Variants in TMEM131 observed in about 807,000 individuals in gnomAD.
TMEM131 encodes the protein transmembrane protein 131, also known as 2610524E03Rik.
Under a neutral mutation model 211.6 loss-of-function variants are expected in TMEM131, and 66 were observed. The ratio of observed to expected loss-of-function variants is 0.31; its 90% CI spans 0.26 to 0.38. The LOEUF (loss-of-function observed/expected upper bound fraction) is 0.38. TMEM131 is among the 10% of genes least tolerant of loss of function. TMEM131 has a pLI of 1.00. For synonymous variants in TMEM131, 844 were observed against 841.3 expected, an observed-to-expected ratio of 1.00 and a Z score of -0.06; for missense variants, 2,036 against 2,299.3, an observed-to-expected ratio of 0.89 and a Z score of 2.34.
At chr2:97,831,066 G>T (rs1386375425) in intron 11 of TMEM131, among the ~76,000 whole-genome samples, 1 of 152,136 alleles carries the variant, frequency 6.6e-6, no homozygotes, top group Non-Finnish European at 1.5e-5. Context: ...ACGGTAGGTG[G>T]GCTTGCCCCA....
intron 1 of TMEM131, among the ~76,000 whole-genome samples, chr2:97,945,332 G>C (rs1043488355): frequency 1.3e-5 from 2 of 152,138 alleles, no homozygotes; most frequent in African/African-American, 2.4e-5. Flanking sequence ...TTGTATAAAG[G>C]ATTTCTTTTG....
At chr2:97,890,676 G>A (rs1675341225) in intron 3 of TMEM131, among the ~76,000 whole-genome samples, 1 of 152,186 alleles carries the variant, frequency 6.6e-6, no homozygotes, top group African/African-American at 2.4e-5. Context: ...CCAACAGTCT[G>A]TCTAGATTCT....
intron 40 of TMEM131, 73 bp from the exon 41 acceptor site, chr2:97,757,456 A>G: frequency 6.7e-7 from 1 of 1,487,468 alleles, no homozygotes; most frequent in Non-Finnish European, 9.0e-7. Context: ...GGGTAAGGCT[A>G]CAGAAAAGAT....
At chr2:97,777,049 A>G (rs910800664) in intron 31 of TMEM131, among the ~76,000 whole-genome samples, 3 of 152,202 alleles carry the variant, frequency 2.0e-5, no homozygotes, top group Admixed American at 6.5e-5. Context: ...AGCCCCGAAC[A>G]TATTTCCCAG....
intron 1 of TMEM131, among the ~76,000 whole-genome samples, chr2:97,968,280 G>A (rs1028386378): frequency 6.6e-6 from 1 of 152,076 alleles, no homozygotes; most frequent in Non-Finnish European, 1.5e-5. Context: ...AGATAAGGGC[G>A]CAGAGGGTCT....
At chr2:97,851,839 T>C (rs968220224) in intron 5 of TMEM131, among the ~76,000 whole-genome samples, 2 of 152,202 alleles carry the variant, frequency 1.3e-5, no homozygotes, top group Non-Finnish European at 2.9e-5. Flanking sequence ...TAAGATACAA[T>C]AATATTACAA....
intron 5 of TMEM131, among the ~76,000 whole-genome samples, chr2:97,857,136 A>AT (rs1573467584): frequency 2.0e-5 from 3 of 152,168 alleles, no homozygotes; most frequent in East Asian, 3.9e-4. Context: ...TGTTTGGCCC[A>AT]TACTGTCTTT....
intron 1 of TMEM131, among the ~76,000 whole-genome samples, chr2:97,948,441 G>A (rs1678145835): frequency 6.6e-6 from 1 of 151,824 alleles, no homozygotes. Flanking sequence ...GAAATAAGAG[G>A]GCACATGAAA....
At chr2:97,915,705 C>A (rs916151911) in intron 2 of TMEM131, among the ~76,000 whole-genome samples, 22 of 152,096 alleles carry the variant, frequency 1.4e-4, no homozygotes, top group Non-Finnish European at 2.1e-4. Flanking sequence ...GGTATTAATT[C>A]TTTGGTGTCA....
chr2:97,793,866 C>T (rs1391742054), intron 29 of TMEM131, among the ~76,000 whole-genome samples: 3 of 151,138 alleles, frequency 2.0e-5, no homozygotes, highest in Non-Finnish European at 3.0e-5. Flanking sequence ...TGGTGGCGGG[C>T]GCCTGTAGTC....
chr2:97,879,830 G>C (rs1231720162), intron 4 of TMEM131, among the ~76,000 whole-genome samples: 1 of 151,948 alleles, frequency 6.6e-6, no homozygotes, highest in Non-Finnish European at 1.5e-5. Flanking sequence ...TATATTATCA[G>C]TAAGGCTTCT....
intron 4 of TMEM131, among the ~76,000 whole-genome samples, chr2:97,876,806 C>T (rs1674714217): frequency 6.6e-6 from 1 of 152,214 alleles, no homozygotes; most frequent in Admixed American, 6.5e-5. Flanking sequence ...CAAGGATGCC[C>T]TGTCTCATCA....
Position 97,758,894 on chromosome 2 carries a change from G to A in TMEM131, c.5366C>T (p.Thr1789Ile). The change falls in exon 40 of 41, where the codon ACA becomes ATA. Residue 1789 changes from threonine (T) to isoleucine (I), a missense_variant and splice_region_variant. Transcript: ENST00000186436. ...CCAGCCCCAGCCCCAAGTACTCACT[G>A]TGGCTGTGTGGGTCGGGGAGCCGGA... Reference protein sequence around the residue: ...ASSGSPTHTATSVLGNTSGLW... With the variant: ...ASSGSPTHTAISVLGNTSGLW... 3.7e-6 allele frequency: 6 copies of A among 1,608,960 alleles called. No individual in the cohort carries two copies. The highest frequency in any genetic ancestry group is 5.1e-6 in the Non-Finnish European group (6 of 1,177,402).
Position 97,907,324 on chromosome 2 carries a change from C to T in TMEM131, c.290+1334G>A, listed in dbSNP as rs937407670. On this transcript the variant is annotated intron_variant, in intron 3 of 40. Transcript: ENST00000186436. Reference sequence around the variant, plus strand: ...ATGGGGGAAAAGGGCCATGTTACTGCAGAGATGAAAGAGTAAAAAGAGAAA... The same window carrying T: ...ATGGGGGAAAAGGGCCATGTTACTGTAGAGATGAAAGAGTAAAAAGAGAAA... The T allele has an allele frequency of 2.6e-5, 4 of 151,960 alleles. No individual in the cohort carries two copies. The South Asian group carries it at 6.2e-4, about 24-fold the overall frequency. The allele number at this position is 151,960 out of a possible 1,614,324, so 9.4% of individuals were successfully genotyped here. A position where few individuals can be genotyped will look rare whatever the true frequency, so the allele number is the denominator to read the frequency against.
chr2:97,900,073 C>T (rs941231756), intron 3 of TMEM131, among the ~76,000 whole-genome samples: 1 of 152,114 alleles, frequency 6.6e-6, no homozygotes, highest in African/African-American at 2.4e-5. Flanking sequence ...AGAACACTTA[C>T]ATTAGACTAC....
In TMEM131 at chr2:97,937,314, G is replaced by A. The variant is rs141414433; in HGVS notation, c.188-9827C>T. 1.5e-3 allele frequency among the ~76,000 whole-genome samples: 227 copies of A among 152,178 alleles called. 1 individual carries two copies. Among genetic ancestry groups the A allele is most frequent in the Middle Eastern group, 0.01 (3 of 292 alleles). On this transcript the variant is annotated intron_variant, in intron 1 of 40. Coordinates refer to ENST00000186436, the MANE Select transcript of TMEM131 (RefSeq NM_015348.2). ...CAGAGGGGCTCAATAGCATATTTTG[G>A]CAGGCAAAGGAAAGAATCAGCAAAC...
chr2:97,812,824 T>C (rs1681615768), intron 15 of TMEM131, 75 bp from the exon 16 acceptor site: 2 of 821,618 alleles, frequency 2.4e-6, no homozygotes, highest in Non-Finnish European at 3.7e-6. Context: ...AAAGTAACTA[T>C]ATTAAAGATG....
intron 31 of TMEM131, among the ~76,000 whole-genome samples, chr2:97,779,411 C>T (rs1048755372): frequency 1.3e-5 from 2 of 152,224 alleles, no homozygotes; most frequent in Non-Finnish European, 2.9e-5. Context: ...CTCCCGCTTG[C>T]CCCTGGGTGG....
chr2:97,965,429 A>G (rs919243712), intron 1 of TMEM131, among the ~76,000 whole-genome samples: 3 of 152,302 alleles, frequency 2.0e-5, no homozygotes, highest in Admixed American at 1.3e-4. Context: ...TTAAACTCTT[A>G]TTCTGTCTCT....
Sources: gnomAD v4.1 joint callset for allele counts (sites outside exome capture counted in the v4.1 genomes callset) on GRCh38, gnomAD v4.1.1 for gene constraint, MANE v1.5 for transcripts, NCBI Gene and HGNC (gene_info 2026-07-23, HGNC 2026-07-21) for gene names.